SGCZ: variants seen among roughly 807,000 people sequenced by gnomAD.
The protein encoded by SGCZ is sarcoglycan zeta.
SGCZ carries 40 observed loss-of-function variants against 41.3 expected under a neutral mutation model. The observed-to-expected ratio is 0.97, with a 90% CI of 0.75 to 1.26. The LOEUF (loss-of-function observed/expected upper bound fraction) is 1.26, where lower values mean the gene tolerates loss of function less well. SGCZ is among the 50% of genes most tolerant of loss of function. The probability of loss-of-function intolerance (pLI) is 0.00; values close to 1 mark genes in which losing one functional copy is unlikely to be tolerated. For synonymous variants in SGCZ, 206 were observed against 137.5 expected (o/e 1.50, Z -3.49); for missense variants, 552 against 369.8 (o/e 1.49, Z -4.04).
chr8:14,310,957 T>C (rs1801520423), intron 3 of SGCZ, among the ~76,000 whole-genome samples: 1 of 152,116 alleles, frequency 6.6e-6, no homozygotes, highest in Non-Finnish European at 1.5e-5. Flanking sequence ...GTGGAAAATC[T>C]TGGAACACAC....
At chr8:14,873,676 G>A (rs1585337997) in intron 1 of SGCZ, among the ~76,000 whole-genome samples, 1 of 152,092 alleles carries the variant, frequency 6.6e-6, no homozygotes, top group East Asian at 1.9e-4. Flanking sequence ...GAATAAAGAT[G>A]AGAATAGGTC....
rs373886043 is a variant in SGCZ, at chr8:14,604,203, A to G, written c.40-49277T>C. 3.7e-4 allele frequency among the ~76,000 whole-genome samples: 56 copies of G among 152,250 alleles called. 1 individual carries two copies. The highest frequency in any genetic ancestry group is 2.1e-3 in the East Asian group (11 of 5,174). On this transcript the variant is annotated intron_variant, in intron 1 of 7. Coordinates refer to ENST00000382080, the MANE Select transcript of SGCZ (RefSeq NM_139167.4). ...TCCTGTATAAGCAAGGTACAAATAG[A>G]CTTATAGAAGAGGCTTCTTCTTATA... is the stretch of plus-strand genomic sequence containing the variant.
chr8:14,429,351 G>C (rs1799878599), intron 2 of SGCZ, among the ~76,000 whole-genome samples: 1 of 152,124 alleles, frequency 6.6e-6, no homozygotes, highest in South Asian at 2.1e-4. Context: ...CATAAAGCCT[G>C]GGCTATCAGC....
intron 1 of SGCZ, among the ~76,000 whole-genome samples, chr8:14,584,671 A>C (rs940835159): frequency 6.6e-6 from 1 of 152,042 alleles, no homozygotes; most frequent in East Asian, 1.9e-4. Flanking sequence ...GCTAAATTTA[A>C]TTTTTTTATT....
chr8:15,218,008 C>G (rs1012886594), intron 1 of SGCZ, among the ~76,000 whole-genome samples: 23 of 152,092 alleles, frequency 1.5e-4, no homozygotes, highest in African/African-American at 5.1e-4. Flanking sequence ...ATTACTTCAC[C>G]CTGGGAGGCG....
chr8:15,191,534 T>A (rs1049585155), intron 1 of SGCZ, among the ~76,000 whole-genome samples: 1 of 152,032 alleles, frequency 6.6e-6, no homozygotes, highest in Non-Finnish European at 1.5e-5. Flanking sequence ...ATGTTAGATC[T>A]CAAATTCTCC....
intron 2 of SGCZ, among the ~76,000 whole-genome samples, chr8:14,413,786 C>G (rs565278194): frequency 6.6e-6 from 1 of 152,100 alleles, no homozygotes; most frequent in South Asian, 2.1e-4. Flanking sequence ...AACGAAGAGT[C>G]TGTTTTACAA....
At chr8:14,452,968 T>C (rs143114497) in intron 2 of SGCZ, among the ~76,000 whole-genome samples, 24 of 152,050 alleles carry the variant, frequency 1.6e-4, no homozygotes, top group African/African-American at 5.1e-4. Flanking sequence ...CTGGGTGTGA[T>C]AGCACACACC....
At chr8:14,851,102 G>A (rs749339924) in intron 1 of SGCZ, among the ~76,000 whole-genome samples, 1 of 152,140 alleles carries the variant, frequency 6.6e-6, no homozygotes, top group African/African-American at 2.4e-5. Flanking sequence ...GGGCGCAGTG[G>A]CTCACACCTG....
At chr8:14,215,155 A>C (rs2117105139) in intron 4 of SGCZ, among the ~76,000 whole-genome samples, 1 of 152,332 alleles carries the variant, frequency 6.6e-6, no homozygotes, top group Non-Finnish European at 1.5e-5. Flanking sequence ...GTTTAAAGAC[A>C]CAAAATATGT....
At chr8:15,133,642 G>A (rs146949125) in intron 1 of SGCZ, among the ~76,000 whole-genome samples, 1 of 152,118 alleles carries the variant, frequency 6.6e-6, no homozygotes, top group African/African-American at 2.4e-5. Context: ...GTAAACTGAT[G>A]TCTTTTACTC....
intron 5 of SGCZ, among the ~76,000 whole-genome samples, chr8:14,132,565 T>C (rs887919004): frequency 2.0e-5 from 3 of 152,228 alleles, no homozygotes; most frequent in Non-Finnish European, 4.4e-5. Context: ...GTTTATACAT[T>C]ATTTACTTCA....
At chr8:14,298,372 T>A (rs1350489317) in intron 3 of SGCZ, among the ~76,000 whole-genome samples, 1 of 151,872 alleles carries the variant, frequency 6.6e-6, no homozygotes, top group Non-Finnish European at 1.5e-5. Flanking sequence ...TAAAGAAGAA[T>A]AAAATACATA....
At chr8:14,401,557 G>C (rs867194007) in intron 2 of SGCZ, among the ~76,000 whole-genome samples, 1 of 149,872 alleles carries the variant, frequency 6.7e-6, no homozygotes, top group African/African-American at 2.5e-5. Flanking sequence ...TTGTTCTTGC[G>C]ATAGTTTACT....
chr8:15,048,075 GAGTCAAT>G (rs1437534660), intron 1 of SGCZ, among the ~76,000 whole-genome samples: 1 of 151,938 alleles, frequency 6.6e-6, no homozygotes, highest in Non-Finnish European at 1.5e-5. Context: ...CCAAGATATG[GAGTCAAT>G]CTACCATTCA....
intron 5 of SGCZ, among the ~76,000 whole-genome samples, chr8:14,138,116 A>G (rs960115364): frequency 6.6e-6 from 1 of 152,206 alleles, no homozygotes; most frequent in Non-Finnish European, 1.5e-5. Context: ...AATCCTTTAC[A>G]GACAAGCAAA....
At chr8:14,245,526 T>A (rs983259749) in intron 3 of SGCZ, among the ~76,000 whole-genome samples, 2 of 152,172 alleles carry the variant, frequency 1.3e-5, no homozygotes, top group Non-Finnish European at 2.9e-5. Context: ...ATTCAGGACA[T>A]AGACATTGGC....
chr8:14,480,536 A>G (rs965156189), intron 2 of SGCZ, among the ~76,000 whole-genome samples: 1 of 152,012 alleles, frequency 6.6e-6, no homozygotes, highest in Non-Finnish European at 1.5e-5. Flanking sequence ...TATAACTACC[A>G]CGTAATTCTT....
intron 1 of SGCZ, among the ~76,000 whole-genome samples, chr8:14,911,800 T>G (rs929609853): frequency 2.6e-5 from 4 of 151,936 alleles, no homozygotes; most frequent in African/African-American, 4.8e-5. Flanking sequence ...TTTCCTCAAG[T>G]ATTAATTAGG....
Sources: gnomAD v4.1 joint callset for allele counts (sites outside exome capture counted in the v4.1 genomes callset) on GRCh38, gnomAD v4.1.1 for gene constraint, MANE v1.5 for transcripts, NCBI Gene and HGNC (gene_info 2026-07-23, HGNC 2026-07-21) for gene names.